The following KRT33B variants were observed in gnomAD, a reference collection of about 807,000 sequenced individuals.
KRT33B encodes keratin, type I cuticular Ha3-II.
A neutral mutation model predicts 42.7 loss-of-function variants in KRT33B; 37 were observed. The ratio of observed to expected loss-of-function variants is 0.87; its 90% CI spans 0.67 to 1.14. The LOEUF is 1.14. Ranked by LOEUF, KRT33B falls within the 50% of genes most tolerant of loss-of-function variation. The pLI, the probability that KRT33B is intolerant of heterozygous loss-of-function variation, is 0.00. For missense variants in KRT33B, 523 were observed against 515.1 expected (o/e 1.02, Z -0.15); for synonymous variants, 237 against 221.2 (o/e 1.07, Z -0.63).
chr17:41,367,054 A>C lies in KRT33B; in HGVS notation c.432-428T>G, dbSNP rs188646672. 2.4e-3 allele frequency among the ~76,000 whole-genome samples: 365 copies of C among 151,460 alleles called. 23 individuals are homozygous for C. The highest frequency in any genetic ancestry group is 8.5e-3 in the African/African-American group (348 of 40,736). On this transcript the variant is annotated intron_variant, in intron 2 of 6. Transcript: ENST00000251646. ...GCCAGTATTCTCATTAAATGACTGT[A>C]GATAGATACCTTTATCTCTCTGAGG...
chr17:41,366,191 AATAG>A (rs1180910761), intron 3 of KRT33B, among the ~76,000 whole-genome samples: 2 of 151,220 alleles, frequency 1.3e-5, no homozygotes, highest in Non-Finnish European at 2.9e-5. Flanking sequence ...TTCAGAAGCT[AATAG>A]ATAGCATCAA....
At position 41,369,731 on chromosome 17, in the gene KRT33B, A is replaced by C. The variant is rs1306321790; in HGVS notation, c.20T>G (p.Leu7Arg). 5.0e-6 allele frequency: 8 copies of C among 1,613,598 alleles called. No homozygotes were observed. The highest frequency in any genetic ancestry group is 6.8e-6 in the Non-Finnish European group (8 of 1,179,758). ...GCTGGTGCGGCAGCTCAGGCTGGGC[A>C]GGCAGAAGTTGTAGGGCATGGTGCA... is the stretch of plus-strand genomic sequence containing the variant. MPYNFC[L>R]PSLSCRTSCS... Residue 7 changes from leucine to arginine, a missense_variant, in exon 1 of 7, where the codon CTG becomes CGG. Coordinates refer to ENST00000251646, the MANE Select transcript of KRT33B (RefSeq NM_002279.5).
chr17:41,364,728 C>G (rs776499180), intron 6 of KRT33B, 51 bp downstream of exon 6: 1 of 1,606,208 alleles, frequency 6.2e-7, no homozygotes, highest in South Asian at 1.1e-5. Context: ...TTTTATCCTA[C>G]AGTAGAACAG....
chr17:41,369,366 G>A, intron 1 of KRT33B, 37 bp downstream of exon 1: 1 of 1,607,990 alleles, frequency 6.2e-7, no homozygotes. Context: ...TAGATAAGTA[G>A]TTCATTAAGC....
At chr17:41,366,398 A>C in intron 3 of KRT33B, 72 bp downstream of exon 3, 1 of 1,571,608 alleles carries the variant, frequency 6.4e-7, no homozygotes, top group Non-Finnish European at 8.6e-7. Flanking sequence ...TAGCAAATCA[A>C]ATCCTACCTT....
chr17:41,368,949 G>C (rs1378793051), intron 1 of KRT33B, among the ~76,000 whole-genome samples: 2 of 151,418 alleles, frequency 1.3e-5, no homozygotes, highest in African/African-American at 2.5e-5. Flanking sequence ...TGTAGATATT[G>C]CTGGAGTCAA....
chr17:41,368,860 T>C (rs992554877), intron 1 of KRT33B, among the ~76,000 whole-genome samples: 1 of 151,344 alleles, frequency 6.6e-6, no homozygotes, highest in Admixed American at 6.6e-5. Flanking sequence ...TCTTTACTTA[T>C]ATCTACTTCT....
chr17:41,365,648 C>T (rs1008150151), intron 3 of KRT33B, 95 bp from the exon 4 acceptor site: 3 of 1,471,890 alleles, frequency 2.0e-6, no homozygotes, highest in African/African-American at 1.5e-5. Context: ...GATTGCATTG[C>T]AGCTTAGGAA....
chr17:41,369,583 C>A lies in KRT33B; in HGVS notation c.168G>T (p.Glu56Asp). ...WFCEGSFNGS[E>D]KETMQFLNDR... is the part of the protein sequence containing the mutation. ...CGTTCAGGAACTGCATAGTCTCCTT[C>A]TCGCTGCCATTGAAGGAGCCCTCGC... Residue 56 changes from glutamate (E) to aspartate (D), a missense_variant, in exon 1 of 7, where the codon GAG (glutamate) becomes GAT (aspartate). Transcript: ENST00000251646. 2 of 1,613,738 alleles carry A rather than the reference C, an allele frequency of 1.2e-6. No homozygotes were observed. The highest frequency in any genetic ancestry group is 1.7e-6 in the Non-Finnish European group (2 of 1,180,056).
chr17:41,367,810 T>G (rs2017720386), intron 2 of KRT33B, 98 bp downstream of exon 2: 1 of 1,046,710 alleles, frequency 9.6e-7, no homozygotes. Flanking sequence ...ATCCTCCCAA[T>G]AGAAATTTCT....
Position 41,365,259 on chromosome 17 carries a change from C to T in KRT33B, c.792G>A (p.Gln264=), listed in dbSNP as rs1212958684. The T allele has an allele frequency of 1.9e-6, 3 of 1,611,780 alleles. No individual in the cohort carries two copies. Among genetic ancestry groups the T allele is most frequent in the Non-Finnish European group, 2.5e-6 (3 of 1,180,002 alleles). The change falls in exon 5 of 7, where the codon CAG becomes CAA. Residue 264 remains glutamine, a synonymous_variant. Coordinates refer to ENST00000251646, the MANE Select transcript of KRT33B (RefSeq NM_002279.5). ...TGATCTCCGCCTGGTAGGACTGCAGCTGCTCCGAGCTGGATACCACCTGCT... is the reference window on the plus strand; with the variant it reads ...TGATCTCCGCCTGGTAGGACTGCAGTTGCTCCGAGCTGGATACCACCTGCT... ...LNKQVVSSSE[Q]LQSYQAEIIE...
Position 41,365,178 on chromosome 17 carries a change from G to T in KRT33B, c.873C>A (p.Asn291Lys). The change falls in exon 5 of 7, where the codon AAC (asparagine) becomes AAA (lysine). Residue 291 changes from asparagine (N) to lysine (K), a missense_variant. Coordinates refer to ENST00000251646, the MANE Select transcript of KRT33B (RefSeq NM_002279.5). The part of the protein sequence containing the change: ...ALEIELQAQH[N>K]LRYSLENTLT... ...AGCAGGTCTGAACAATACACACCAG[G>T]TTGTGCTGGGCCTGCAGCTCGATCT... 6.2e-7 allele frequency: 1 copy of T among 1,611,630 alleles called. No individual in the cohort carries two copies. Among genetic ancestry groups the T allele is most frequent in the Non-Finnish European group, 8.5e-7 (1 of 1,179,998 alleles).
chr17:41,366,436 T>C (rs2017701096), intron 3 of KRT33B, 34 bp downstream of exon 3: 1 of 1,609,032 alleles, frequency 6.2e-7, no homozygotes, highest in Non-Finnish European at 8.5e-7. Context: ...CACAGAGCTC[T>C]CAGTATTGGG....
Position 41,369,425 on chromosome 17 carries a change from G to A in KRT33B, c.326C>T (p.Thr109Ile). 6.2e-7 allele frequency: 1 copy of A among 1,613,360 alleles called. No individual in the cohort carries two copies. The highest frequency in any genetic ancestry group is 8.5e-7 in the Non-Finnish European group (1 of 1,180,042). Reference protein sequence around the residue: ...LCPSYQSYFKTIEELQQKILC... With the variant: ...LCPSYQSYFKIIEELQQKILC... ...CACCTTCTGCTGGAGCTCCTCAATG[G>A]TCTTGAAGTAGGACTGGTAGCTGGG... Residue 109 changes from threonine (T) to isoleucine (I), a missense_variant, in exon 1 of 7, where the codon ACC becomes ATC. Thr to Ile is a moderately conservative substitution (Grantham distance 89). Transcript: ENST00000251646.
At chr17:41,366,654 G>T in intron 2 of KRT33B, 28 bp from the exon 3 acceptor site, 7 of 1,528,856 alleles carry the variant, frequency 4.6e-6, no homozygotes, top group East Asian at 2.4e-5. Context: ...GGTCAAAAGA[G>T]GTCCAAAAAA....
chr17:41,367,624 AAT>A (rs1452618421), intron 2 of KRT33B, among the ~76,000 whole-genome samples: 2 of 151,362 alleles, frequency 1.3e-5, no homozygotes, highest in East Asian at 3.9e-4. Context: ...AAATCACTTG[AAT>A]CCGGGAGGCG....
rs778186087 is a variant in KRT33B at position 41,364,988 on chromosome 17, CAG to C, written c.886_887del (p.Leu296GlyfsTer35). The C allele has an allele frequency of 6.0e-5, 97 of 1,613,194 alleles. No homozygotes were observed. Among genetic ancestry groups the C allele is most frequent in the Non-Finnish European group, 7.8e-5 (92 of 1,180,048 alleles). On this transcript the variant is annotated frameshift_variant, in exon 6 of 7. Coordinates refer to ENST00000251646, the MANE Select transcript of KRT33B (RefSeq NM_002279.5). LOFTEE classifies it high-confidence loss of function. ...LQAQHNLRYS[L>X]ENTLTESEAR... The stretch of plus-strand genomic sequence containing the variant: ...CCTCGCTCTCTGTCAGCGTGTTTTC[CAG>C]AGAGTATCGCTGTGGTGGGAAAGAT...
In KRT33B at chr17:41,363,818, C is replaced by T. The variant is rs750446345; in HGVS notation, c.*18G>A. 1.2e-5 allele frequency: 18 copies of T among 1,531,444 alleles called. No homozygotes were observed. Among genetic ancestry groups the T allele is most frequent in the Non-Finnish European group, 1.5e-5 (17 of 1,112,730 alleles). The allele number at this position is 1,531,444 out of a possible 1,614,324, so 94.9% of individuals were successfully genotyped here. On this transcript the variant is annotated 3_prime_UTR_variant, in exon 7 of 7. Coordinates refer to ENST00000251646, the MANE Select transcript of KRT33B (RefSeq NM_002279.5). ...GTAGTTCTGTCTTCATGCTATACTT[C>T]TGCTGGCCCCAGGGTATCTAGTACC... is the stretch of plus-strand genomic sequence containing the variant.
Position 41,367,441 on chromosome 17 carries a change from C to T in KRT33B, c.431+467G>A, listed in dbSNP as rs140229180. 5.6e-3 allele frequency among the ~76,000 whole-genome samples: 842 copies of T among 151,468 alleles called. 60 individuals are homozygous for T. Among genetic ancestry groups the T allele is most frequent in the African/African-American group, 0.02 (811 of 40,760 alleles). On this transcript the variant is annotated intron_variant, in intron 2 of 6. Transcript: ENST00000251646. ...GCACAGGGCTGCGCACAGTGGCTCA[C>T]GCCTGTAATCCCAGCAGTTTGGGAG...
Sources: gnomAD v4.1 joint callset for allele counts (sites outside exome capture counted in the v4.1 genomes callset) on GRCh38, gnomAD v4.1.1 for gene constraint, MANE v1.5 for transcripts, NCBI Gene and HGNC (gene_info 2026-07-23, HGNC 2026-07-21) for gene names.